The following SIL1 variants were observed in gnomAD, a reference collection of about 807,000 sequenced individuals.
SIL1 encodes the protein SIL1 nucleotide exchange factor.
Under a neutral mutation model 49.1 loss-of-function variants are expected in SIL1, and 40 were observed. The ratio of observed to expected loss-of-function variants is 0.81; its 90% CI spans 0.63 to 1.06. The LOEUF (loss-of-function observed/expected upper bound fraction) is 1.06, where lower values mean the gene tolerates loss of function less well. Ranked by LOEUF, SIL1 falls within the 50% of genes least tolerant of loss-of-function variation. The pLI is 0.00. For missense variants in SIL1, 500 were observed against 572.6 expected (o/e 0.87, Z 1.29); for synonymous variants, 253 against 250.8 (o/e 1.01, Z -0.08).
In SIL1 at chr5:138,948,222, C is replaced by T. The variant is rs993872669; in HGVS notation, c.1030-749G>A. Among the ~76,000 whole-genome samples, 1 of 152,266 alleles carries T rather than the reference C, an allele frequency of 6.6e-6. No homozygotes were observed. Among genetic ancestry groups the T allele is most frequent in the East Asian group, 1.9e-4 (1 of 5,174 alleles). On this transcript the variant is annotated intron_variant, in intron 9 of 9. Coordinates refer to ENST00000394817, the MANE Select transcript of SIL1 (RefSeq NM_022464.5). The surrounding 1 kb of genome is among the most constrained non-coding windows in gnomAD (Gnocchi z 4.8). Reference sequence around the variant, plus strand: ...AGTGGACCACCTGTGCTTCCTGCGGCAGCAGGAAGTCGTGGGGCTGATTGG... The same window carrying T: ...AGTGGACCACCTGTGCTTCCTGCGGTAGCAGGAAGTCGTGGGGCTGATTGG...
At chr5:138,975,870 C>G (rs1767383359) in intron 7 of SIL1, among the ~76,000 whole-genome samples, 1 of 152,198 alleles carries the variant, frequency 6.6e-6, no homozygotes. Flanking sequence ...AACACCCTGC[C>G]TACATTTCCA....
At chr5:139,005,054 A>C (rs199956007) in intron 7 of SIL1, among the ~76,000 whole-genome samples, 1 of 152,238 alleles carries the variant, frequency 6.6e-6, no homozygotes, top group East Asian at 1.9e-4. Context: ...AGTCCAAGAT[A>C]TCTATCATAT....
chr5:139,027,119 G>C (rs2150433616), intron 5 of SIL1, 127 bp from the exon 6 acceptor site: 2 of 866,242 alleles, frequency 2.3e-6, no homozygotes, highest in East Asian at 5.3e-5. Flanking sequence ...TCTCATCTAT[G>C]CTATCAAAAA....
intron 5 of SIL1, among the ~76,000 whole-genome samples, chr5:139,031,775 C>T (rs746204219): frequency 5.9e-5 from 9 of 152,210 alleles, no homozygotes; most frequent in Non-Finnish European, 1.2e-4. Context: ...TTTGATTTAA[C>T]TCCATCATCA....
At chr5:138,996,974 C>A (rs1345162826) in intron 7 of SIL1, among the ~76,000 whole-genome samples, 1 of 152,164 alleles carries the variant, frequency 6.6e-6, no homozygotes. Flanking sequence ...GCTCTGTCAC[C>A]ACAGCTGGAG....
At position 138,951,296 on chromosome 5, in the gene SIL1, A is replaced by AG. The variant is rs1379257194; in HGVS notation, c.903dup (p.Tyr302LeufsTer50). 6.4e-7 allele frequency: 1 copy of AG among 1,566,290 alleles called. No individual in the cohort carries two copies. Among genetic ancestry groups the AG allele is most frequent in the African/African-American group, 1.4e-5 (1 of 73,924 alleles). ...AGCTTCAGGAACTGCCGCTGGGCAT[A>AG]GGGGAAGTGGCGCAGCAGGGAGCAC... On this transcript the variant is annotated frameshift_variant, in exon 9 of 10. Transcript: ENST00000394817. LOFTEE classifies it high-confidence loss of function.
chr5:138,962,638 T>C (rs886976138), intron 7 of SIL1, among the ~76,000 whole-genome samples: 1 of 152,268 alleles, frequency 6.6e-6, no homozygotes. Flanking sequence ...ATTTTTACTT[T>C]TCTGCTAAGA....
intron 7 of SIL1, among the ~76,000 whole-genome samples, chr5:139,018,815 A>G (rs1372557989): frequency 6.6e-6 from 1 of 152,170 alleles, no homozygotes; most frequent in East Asian, 1.9e-4. Flanking sequence ...TTCACAGGTC[A>G]TTGTATATTA....
At chr5:139,194,675 G>A (rs1173205303) in intron 1 of SIL1, among the ~76,000 whole-genome samples, 1 of 152,124 alleles carries the variant, frequency 6.6e-6, no homozygotes, top group East Asian at 1.9e-4. Flanking sequence ...GCACCATCTG[G>A]AGCCCCCAGA....
chr5:139,164,270 AGT>A (rs892600390), intron 1 of SIL1, among the ~76,000 whole-genome samples: 11 of 152,204 alleles, frequency 7.2e-5, no homozygotes, highest in Admixed American at 6.5e-5. Context: ...CAAAAGAGCC[AGT>A]GCACCAGCTA....
intron 3 of SIL1, among the ~76,000 whole-genome samples, chr5:139,063,782 A>T (rs1020481628): frequency 1.3e-5 from 2 of 152,182 alleles, no homozygotes; most frequent in African/African-American, 4.8e-5. Flanking sequence ...GTACAATTTC[A>T]TTAGCAGCTC....
chr5:139,039,155 C>T (rs1368595864), intron 5 of SIL1, among the ~76,000 whole-genome samples: 1 of 152,212 alleles, frequency 6.6e-6, no homozygotes, highest in Non-Finnish European at 1.5e-5. Flanking sequence ...CCACTGACAC[C>T]ATCTTGGTGG....
chr5:139,160,781 G>C (rs1014884062), intron 1 of SIL1, among the ~76,000 whole-genome samples: 3 of 152,012 alleles, frequency 2.0e-5, no homozygotes, highest in African/African-American at 7.3e-5. Flanking sequence ...GGTGAGCCAA[G>C]ATCATGCCAC....
intron 3 of SIL1, among the ~76,000 whole-genome samples, chr5:139,088,589 A>G (rs578118611): frequency 6.6e-6 from 1 of 152,282 alleles, no homozygotes; most frequent in Admixed American, 6.5e-5. Flanking sequence ...TGGACTCCCA[A>G]CTAGACTGCC....
At chr5:139,037,338 C>T (rs1768939298) in intron 5 of SIL1, among the ~76,000 whole-genome samples, 1 of 152,130 alleles carries the variant, frequency 6.6e-6, no homozygotes, top group African/African-American at 2.4e-5. Context: ...CTGGAGTTCA[C>T]CTGGATTCAC....
At chr5:139,054,587 GTAATA>G (rs1422255908) in intron 3 of SIL1, among the ~76,000 whole-genome samples, 1 of 151,996 alleles carries the variant, frequency 6.6e-6, no homozygotes, top group Non-Finnish European at 1.5e-5. Context: ...ACTAATACTA[GTAATA>G]TAATAAAAAT....
At chr5:138,984,354 G>GTTT (rs772380838) in intron 7 of SIL1, among the ~76,000 whole-genome samples, 7 of 135,626 alleles carry the variant, frequency 5.2e-5, no homozygotes, top group Non-Finnish European at 9.6e-5. Context: ...GTTTGCTTTT[G>GTTT]TTTTTTTTTT....
At chr5:138,950,571 C>T (rs894207449) in intron 9 of SIL1, among the ~76,000 whole-genome samples, 2 of 152,214 alleles carry the variant, frequency 1.3e-5, no homozygotes, top group African/African-American at 4.8e-5. Context: ...ACTGAGGAAG[C>T]CCTGCCAATG....
intron 1 of SIL1, among the ~76,000 whole-genome samples, chr5:139,148,112 TA>T (rs34450663): frequency 0.18 from 25,299 of 143,340 alleles, 2,956 homozygotes; most frequent in African/African-American, 0.35. Flanking sequence ...TAAAGTGCAT[TA>T]AAAAAAAAAA....
Sources: allele counts gnomAD v4.1 joint callset (sites outside exome capture counted in the v4.1 genomes callset), GRCh38; gene constraint gnomAD v4.1.1; non-coding constraint Gnocchi (gnomAD v3.1); transcripts MANE v1.5; gene names NCBI Gene and HGNC (gene_info 2026-07-23, HGNC 2026-07-21).